The following VPS16 variants were observed in gnomAD, a reference collection of about 807,000 sequenced individuals.
VPS16 encodes the protein VPS16 core subunit of CORVET and HOPS complexes.
In VPS16, 82 loss-of-function variants were observed where a neutral mutation model predicts 116.0. The observed-to-expected ratio is 0.71, with a 90% CI of 0.59 to 0.85. VPS16 has a LOEUF of 0.85. VPS16 is among the 40% of genes least tolerant of loss of function. The pLI is 0.00. For synonymous variants in VPS16, 406 were observed against 420.7 expected (o/e 0.96, Z 0.43); for missense variants, 928 against 1,090.6 (o/e 0.85, Z 2.10).
Position 2,863,446 on chromosome 20 carries a change from C to A in VPS16, c.1476+48C>A. On this transcript the variant is annotated intron_variant, in intron 15 of 23. Coordinates refer to ENST00000380445, the MANE Select transcript of VPS16 (RefSeq NM_022575.4). The surrounding 1 kb of genome is among the most constrained non-coding windows in gnomAD (Gnocchi z 4.4). ...AAGGGCATTTAGAGGATTCCAGGCC[C>A]TGGTGAGGTGGAGGAAATAGAAAGT... 6.3e-7 allele frequency: 1 copy of A among 1,578,488 alleles called. No homozygotes were observed. The highest frequency in any genetic ancestry group is 8.7e-7 in the Non-Finnish European group (1 of 1,148,526).
intron 1 of VPS16, 94 bp downstream of exon 1, chr20:2,840,921 C>A: frequency 8.3e-7 from 1 of 1,197,892 alleles, no homozygotes; most frequent in Non-Finnish European, 1.2e-6. Context: ...TCACTACTGG[C>A]GCTGGGGTCC....
Position 2,862,407 on chromosome 20 carries a change from A to G in VPS16, c.1072-172A>G, listed in dbSNP as rs632080. Reference sequence around the variant, plus strand: ...CTAAAGGCAGCTGTGGGCTGATACGAGATGATGTCTGTGGGCACCTCAGGT... The same window carrying G: ...CTAAAGGCAGCTGTGGGCTGATACGGGATGATGTCTGTGGGCACCTCAGGT... On this transcript the variant is annotated intron_variant, in intron 11 of 23. Coordinates refer to ENST00000380445, the MANE Select transcript of VPS16 (RefSeq NM_022575.4). 748,442 of 1,335,246 alleles carry G rather than the reference A, an allele frequency of 0.56. 218,711 individuals carry two copies. Among genetic ancestry groups the G allele is most frequent in the African/African-American group, 0.87 (58,681 of 67,680 alleles). The allele number at this position is 1,335,246 out of a possible 1,614,324, so 82.7% of individuals were successfully genotyped here.
intron 1 of VPS16, among the ~76,000 whole-genome samples, chr20:2,854,960 A>ATTTTTTTTTTTT (rs547295825): frequency 1.4e-4 from 15 of 110,126 alleles, no homozygotes; most frequent in African/African-American, 2.7e-4. Context: ...ATGAGCAGTA[A>ATTTTTTTTTTTT]TTTTTTTTTT....
chr20:2,864,433 C>T lies in VPS16; in HGVS notation c.1789C>T (p.Gln597Ter). The T allele has an allele frequency of 6.2e-7, 1 of 1,614,184 alleles. No individual in the cohort carries two copies. The highest frequency in any genetic ancestry group is 1.1e-5 in the South Asian group (1 of 91,078). Residue 597 changes from glutamine to a stop codon, truncating the protein, a stop_gained, in exon 18 of 24, where the codon CAG (glutamine) becomes TAG (stop). Transcript: ENST00000380445. LOFTEE classifies it high-confidence loss of function. The surrounding 1 kb of genome is among the most constrained non-coding windows in gnomAD (Gnocchi z 5.2). ...RGDFFMTLRN[Q>*]PMALSLYRQF... is the part of the protein sequence containing the mutation. ...AGATTTTTTCATGACCCTTCGGAATCAGCCCATGGCCCTCAGTTTGTACCG... is the reference window on the plus strand; with the variant it reads ...AGATTTTTTCATGACCCTTCGGAATTAGCCCATGGCCCTCAGTTTGTACCG...
In VPS16 at chr20:2,862,122, G is replaced by C; in HGVS notation, c.1063G>C (p.Glu355Gln). ...PGALLLEAQKEYEKESQKADE... is the reference protein window; with the variant it reads ...PGALLLEAQKQYEKESQKADE... Reference sequence around the variant, plus strand: ...GGCGCTGCTCCTGGAGGCTCAGAAGGAGTATGAGGTAAAGCCCTGGGCTTC... The same window carrying C: ...GGCGCTGCTCCTGGAGGCTCAGAAGCAGTATGAGGTAAAGCCCTGGGCTTC... The change falls in exon 11 of 24, where the codon GAG (glutamate) becomes CAG (glutamine). Residue 355 changes from glutamate (E) to glutamine (Q), a missense_variant. Physicochemically the swap from Glu to Gln is conservative, Grantham distance 29 (BLOSUM62 2). Transcript: ENST00000380445. 6.2e-7 allele frequency: 1 copy of C among 1,613,616 alleles called. No homozygotes were observed. Among genetic ancestry groups the C allele is most frequent in the South Asian group, 1.1e-5 (1 of 90,860 alleles).
intron 1 of VPS16, among the ~76,000 whole-genome samples, chr20:2,851,672 A>C (rs1310187540): frequency 6.6e-6 from 1 of 150,982 alleles, no homozygotes; most frequent in Admixed American, 6.6e-5. Flanking sequence ...CAAAAAAAAA[A>C]AACAAAAAAC....
chr20:2,842,841 T>TAG (rs2089011378), intron 1 of VPS16, among the ~76,000 whole-genome samples: 1 of 122,480 alleles, frequency 8.2e-6, no homozygotes, highest in African/African-American at 3.7e-5. Context: ...TAGATGTATC[T>TAG]ATCGATAGAT....
chr20:2,861,668 G>A lies in VPS16; in HGVS notation c.863G>A (p.Arg288Gln), dbSNP rs748567903. Residue 288 changes from arginine (R) to glutamine (Q), a missense_variant, in exon 9 of 24, where the codon CGG (arginine) becomes CAG (glutamine). Arg to Gln is a conservative substitution (Grantham distance 43, BLOSUM62 1). Coordinates refer to ENST00000380445, the MANE Select transcript of VPS16 (RefSeq NM_022575.4). The stretch of plus-strand genomic sequence containing the variant: ...GCCGTGGTGGTGGCCTGGGAAAGGC[G>A]GCTGATGGTGGTGGGCGATGCACCC... ...ERAVVVAWER[R>Q]LMVVGDAPES... is the part of the protein sequence containing the mutation. 49 of 1,613,192 alleles carry A rather than the reference G, an allele frequency of 3.0e-5. No homozygotes were observed. The highest frequency in any genetic ancestry group is 9.3e-5 in the African/African-American group (7 of 74,918).
rs542644383 is a variant in VPS16, at chr20:2,863,482, G to T, written c.1476+84G>T. On this transcript the variant is annotated intron_variant, in intron 15 of 23. Transcript: ENST00000380445. This position sits in a 1 kb window ranked among gnomAD's most constrained non-coding sequence, Gnocchi z 4.4. ...GAGGAAATAGAAAGTGTAGAACTGC[G>T]CTGGGCACGGTGGCTCATGCCTGTA... The T allele has an allele frequency of 1.4e-5, 20 of 1,387,008 alleles. No homozygotes were observed. Among genetic ancestry groups the T allele is most frequent in the South Asian group, 3.6e-5 (3 of 83,366 alleles). 85.9% of individuals were successfully genotyped at this position (1,387,008 alleles called of 1,614,324 possible). A position where few individuals can be genotyped will look rare whatever the true frequency, so the allele number is the denominator to read the frequency against.
rs538495417 is a variant in VPS16 at position 2,842,397 on chromosome 20, C to T, written c.53+1570C>T. ...TTGGGAGGCCAAGGTGGGTGAATCA[C>T]CTGAGGCCAGGAGTTTGAGACCAGC... On this transcript the variant is annotated intron_variant, in intron 1 of 23. Transcript: ENST00000380445. 7.9e-5 allele frequency among the ~76,000 whole-genome samples: 12 copies of T among 152,086 alleles called. No individual in the cohort carries two copies. The South Asian group carries it at 2.5e-3, about 32-fold the overall frequency.
intron 1 of VPS16, among the ~76,000 whole-genome samples, chr20:2,858,801 A>G (rs1189221102): frequency 1.3e-5 from 2 of 152,014 alleles, no homozygotes; most frequent in African/African-American, 4.8e-5. Flanking sequence ...CCTGGTTGTG[A>G]TTTGTGATTT....
In VPS16 at chr20:2,866,457, C is replaced by T; in HGVS notation, c.2403C>T (p.Ala801=). The change falls in exon 24 of 24, where the codon GCC becomes GCT. Residue 801 remains alanine (A), a synonymous_variant. Coordinates refer to ENST00000380445, the MANE Select transcript of VPS16 (RefSeq NM_022575.4). Reference sequence around the variant, plus strand: ...ATGTGGCTCAGGCTGCAGATGTGGCCATCGAACACCGGAATGAGGCTGAGC... The same window carrying T: ...ATGTGGCTCAGGCTGCAGATGTGGCTATCGAACACCGGAATGAGGCTGAGC... ...VGDVAQAADV[A]IEHRNEAELS... 1.2e-6 allele frequency: 2 copies of T among 1,614,186 alleles called. No homozygotes were observed. The highest frequency in any genetic ancestry group is 1.7e-6 in the Non-Finnish European group (2 of 1,180,032).
Position 2,862,890 on chromosome 20 carries a change from T to C in VPS16, c.1287T>C (p.Asn429=), listed in dbSNP as rs751625378. 1 of 1,614,124 alleles carries C rather than the reference T, an allele frequency of 6.2e-7. No individual in the cohort carries two copies. The highest frequency in any genetic ancestry group is 8.5e-7 in the Non-Finnish European group (1 of 1,180,008). The change falls in exon 13 of 24, where the codon AAT becomes AAC. Residue 429 remains asparagine (N), a synonymous_variant. Coordinates refer to ENST00000380445, the MANE Select transcript of VPS16 (RefSeq NM_022575.4). ...TGTGTCAGGACCTGCGTGTGCTCAATGCTGTTCGGGACTATCACATCGGGA... is the reference window on the plus strand; with the variant it reads ...TGTGTCAGGACCTGCGTGTGCTCAACGCTGTTCGGGACTATCACATCGGGA... ...VHMCQDLRVL[N]AVRDYHIGIP... is the part of the protein sequence containing the mutation.
In VPS16 at chr20:2,859,706, T is replaced by C. The variant is rs551014200; in HGVS notation, c.54-13T>C. 20 of 1,613,040 alleles carry C rather than the reference T, an allele frequency of 1.2e-5. No individual in the cohort carries two copies. In the African/African-American group the frequency reaches 2.5e-4, roughly 20 times the overall value. On this transcript the variant is annotated splice_polypyrimidine_tract_variant and intron_variant, in intron 1 of 23. Transcript: ENST00000380445. ...GTAATGAGGCTAATTTCTGCTCATC[T>C]CTGTGTGGGCAGGAAATATGAGCTG...
At position 2,866,475 on chromosome 20, in the gene VPS16, G is replaced by A. The variant is rs1361687259; in HGVS notation, c.2421G>A (p.Glu807=). The change falls in exon 24 of 24, where the codon GAG becomes GAA. Residue 807 remains glutamate, a synonymous_variant. Coordinates refer to ENST00000380445, the MANE Select transcript of VPS16 (RefSeq NM_022575.4). ...ATGTGGCCATCGAACACCGGAATGA[G>A]GCTGAGCTGAGCCTCGTATTGTCCC... The part of the protein sequence containing the change: ...AADVAIEHRN[E]AELSLVLSHC... 1.2e-6 allele frequency: 2 copies of A among 1,614,092 alleles called. No homozygotes were observed. The highest frequency in any genetic ancestry group is 1.7e-5 in the Admixed American group (1 of 60,000).
In VPS16 at chr20:2,864,688, G is replaced by A; in HGVS notation, c.1926+34G>A. The stretch of plus-strand genomic sequence containing the variant: ...TCCATGGGGCGTGTGGGGCGTGTGG[G>A]GCATGTGGGCTGGGGCTGTTGGTCC... On this transcript the variant is annotated intron_variant, in intron 19 of 23. Transcript: ENST00000380445. This position sits in a 1 kb window ranked among gnomAD's most constrained non-coding sequence, Gnocchi z 5.2. 1.2e-6 allele frequency: 2 copies of A among 1,605,276 alleles called. No individual in the cohort carries two copies. Among genetic ancestry groups the A allele is most frequent in the Non-Finnish European group, 1.7e-6 (2 of 1,173,888 alleles).
chr20:2,841,711 G>A (rs1484866385), intron 1 of VPS16, among the ~76,000 whole-genome samples: 1 of 151,762 alleles, frequency 6.6e-6, no homozygotes, highest in African/African-American at 2.4e-5. Context: ...ATATTTAGGC[G>A]ACATTTGTAT....
Position 2,864,156 on chromosome 20 carries a change from G to C in VPS16, c.1612-23G>C, listed in dbSNP as rs1407013141. ...GCCCCCATGCCAGCTCCTTCTCTCT[G>C]TGCCTTCCTTCTCACCTCACAGCTG... On this transcript the variant is annotated intron_variant, in intron 16 of 23. Coordinates refer to ENST00000380445, the MANE Select transcript of VPS16 (RefSeq NM_022575.4). This position sits in a 1 kb window ranked among gnomAD's most constrained non-coding sequence, Gnocchi z 5.2. 2 of 1,614,030 alleles carry C rather than the reference G, an allele frequency of 1.2e-6. No homozygotes were observed. Among genetic ancestry groups the C allele is most frequent in the Non-Finnish European group, 1.7e-6 (2 of 1,179,996 alleles).
Position 2,862,095 on chromosome 20 carries a change from G to C in VPS16, c.1036G>C (p.Gly346Arg). 6.2e-7 allele frequency: 1 copy of C among 1,613,842 alleles called. No homozygotes were observed. The highest frequency in any genetic ancestry group is 8.5e-7 in the Non-Finnish European group (1 of 1,179,932). ...CTTCAAAATTGCCTCAATGGCCCCC[G>C]GGGCGCTGCTCCTGGAGGCTCAGAA... is the stretch of plus-strand genomic sequence containing the variant. ...EIFKIASMAP[G>R]ALLLEAQKEY... is the part of the protein sequence containing the mutation. Residue 346 changes from glycine (G) to arginine (R), a missense_variant, in exon 11 of 24, where the codon GGG becomes CGG. By Grantham distance (125) the Gly-to-Arg change is moderately radical. Transcript: ENST00000380445.
Sources: allele counts gnomAD v4.1 joint callset (sites outside exome capture counted in the v4.1 genomes callset), GRCh38; gene constraint gnomAD v4.1.1; non-coding constraint Gnocchi (gnomAD v3.1); transcripts MANE v1.5; gene names NCBI Gene and HGNC (gene_info 2026-07-23, HGNC 2026-07-21).